The following THSD7A variants were observed in gnomAD, a reference collection of about 807,000 sequenced individuals.
THSD7A encodes the protein thrombospondin type-1 domain-containing protein 7A.
THSD7A carries 96 observed loss-of-function variants against 231.3 expected under a neutral mutation model. The observed-to-expected ratio is 0.41, with a 90% CI of 0.35 to 0.49. The LOEUF (loss-of-function observed/expected upper bound fraction) is 0.49. Ranked by LOEUF, THSD7A falls within the 20% of genes least tolerant of loss-of-function variation. The pLI is 0.05. For synonymous variants in THSD7A, 940 were observed against 743.3 expected (o/e 1.26, Z -4.30); for missense variants, 2,290 against 2,070.2 (o/e 1.11, Z -2.06).
At chr7:11,680,983 A>C (rs1783845136) in intron 1 of THSD7A, among the ~76,000 whole-genome samples, 1 of 152,202 alleles carries the variant, frequency 6.6e-6, no homozygotes, top group Admixed American at 6.5e-5. Flanking sequence ...TGCATAAAGA[A>C]AATGTGGCAC....
chr7:11,479,639 ATTTAT>A (rs61469997), intron 7 of THSD7A, among the ~76,000 whole-genome samples: 19,290 of 152,062 alleles, frequency 0.13, 1,676 homozygotes, highest in African/African-American at 0.26. Context: ...ATTAGGAAAG[ATTTAT>A]TTTGAGTAAG....
At chr7:11,450,920 A>G (rs1785122187) in intron 11 of THSD7A, among the ~76,000 whole-genome samples, 1 of 152,014 alleles carries the variant, frequency 6.6e-6, no homozygotes. Flanking sequence ...TTTTAAAGTA[A>G]AATTCCATAT....
intron 13 of THSD7A, 105 bp downstream of exon 13, chr7:11,445,956 G>T: frequency 7.3e-7 from 1 of 1,366,476 alleles, no homozygotes; most frequent in Non-Finnish European, 1.0e-6. Flanking sequence ...GTTTAATTTA[G>T]AATATACGTC....
intron 6 of THSD7A, among the ~76,000 whole-genome samples, chr7:11,509,265 A>G (rs1479989733): frequency 1.3e-5 from 2 of 152,180 alleles, no homozygotes; most frequent in African/African-American, 4.8e-5. Context: ...TACGGCATGC[A>G]TAGCAATTGG....
In THSD7A at chr7:11,634,818, A is replaced by G. The variant is rs1170855444; in HGVS notation, c.1022+1312T>C. On this transcript the variant is annotated intron_variant, in intron 2 of 27. Coordinates refer to ENST00000423059, the MANE Select transcript of THSD7A (RefSeq NM_015204.3). The surrounding 1 kb of genome is among the most constrained non-coding windows in gnomAD (Gnocchi z 4.1). ...AGTAACCAGAACTCTATGATGAGAG[A>G]AAGTTATTGTCTTAGACAGACCAAT... 6.6e-6 allele frequency among the ~76,000 whole-genome samples: 1 copy of G among 152,196 alleles called. No homozygotes were observed. Among genetic ancestry groups the G allele is most frequent in the Non-Finnish European group, 1.5e-5 (1 of 68,028 alleles).
At chr7:11,641,843 G>T (rs1309223700) in intron 1 of THSD7A, among the ~76,000 whole-genome samples, 1 of 151,906 alleles carries the variant, frequency 6.6e-6, no homozygotes, top group East Asian at 1.9e-4. Flanking sequence ...TTGCACCTTG[G>T]GTATCGCATG....
chr7:11,505,063 T>G (rs1235761638), intron 6 of THSD7A, among the ~76,000 whole-genome samples: 1 of 152,168 alleles, frequency 6.6e-6, no homozygotes, highest in East Asian at 1.9e-4. Context: ...CATCATATTC[T>G]CATTTGGTTC....
intron 1 of THSD7A, among the ~76,000 whole-genome samples, chr7:11,783,702 G>A (rs1319596303): frequency 3.3e-5 from 5 of 152,044 alleles, no homozygotes; most frequent in Admixed American, 2.0e-4. Context: ...AGCTAGAGGG[G>A]ATATAGATGA....
chr7:11,513,585 C>T (rs1190201372), intron 6 of THSD7A, among the ~76,000 whole-genome samples: 2 of 151,986 alleles, frequency 1.3e-5, no homozygotes, highest in South Asian at 4.1e-4. Flanking sequence ...TAGAAATACC[C>T]AGAACTGGTA....
intron 4 of THSD7A, among the ~76,000 whole-genome samples, chr7:11,545,386 G>C (rs1789338079): frequency 6.6e-6 from 1 of 152,116 alleles, no homozygotes; most frequent in South Asian, 2.1e-4. Flanking sequence ...ATATAAAGTT[G>C]AAAACTTTAG....
chr7:11,796,353 A>G (rs1007594564), intron 1 of THSD7A, among the ~76,000 whole-genome samples: 12 of 151,790 alleles, frequency 7.9e-5, no homozygotes, highest in African/African-American at 2.7e-4. Flanking sequence ...TGAAAAAAAA[A>G]GGATACTGGC....
chr7:11,812,575 T>C (rs1583311039), intron 1 of THSD7A, among the ~76,000 whole-genome samples: 1 of 152,184 alleles, frequency 6.6e-6, no homozygotes, highest in African/African-American at 2.4e-5. Context: ...ACAAAATATT[T>C]TTCAAAACAC....
At chr7:11,736,936 C>G (rs1452435991) in intron 1 of THSD7A, among the ~76,000 whole-genome samples, 1 of 151,970 alleles carries the variant, frequency 6.6e-6, no homozygotes, top group Admixed American at 6.6e-5. Flanking sequence ...AGTAAATTCT[C>G]ACGAGATATG....
chr7:11,415,866 A>G (rs1783942225), intron 17 of THSD7A, among the ~76,000 whole-genome samples: 2 of 152,148 alleles, frequency 1.3e-5, no homozygotes, highest in South Asian at 4.1e-4. Flanking sequence ...AGGTGTAACC[A>G]ATCTAGCTGT....
chr7:11,685,285 T>C (rs1317703996), intron 1 of THSD7A, among the ~76,000 whole-genome samples: 3 of 151,478 alleles, frequency 2.0e-5, no homozygotes, highest in Non-Finnish European at 1.5e-5. Flanking sequence ...AAAAAAAAAC[T>C]AGGAAGTACT....
chr7:11,747,882 GGCACAATGAT>G (rs1421627279), intron 1 of THSD7A, among the ~76,000 whole-genome samples: 2 of 151,858 alleles, frequency 1.3e-5, no homozygotes, highest in Non-Finnish European at 2.9e-5. Context: ...TGTATAAAAA[GGCACAATGAT>G]ATTAACATAA....
At chr7:11,801,919 G>A (rs1026491947) in intron 1 of THSD7A, among the ~76,000 whole-genome samples, 1 of 152,128 alleles carries the variant, frequency 6.6e-6, no homozygotes, top group Non-Finnish European at 1.5e-5. Flanking sequence ...CATTAAATCA[G>A]TTGACATAAA....
At position 11,465,261 on chromosome 7, in the gene THSD7A, G is replaced by A. The variant is rs1046872804; in HGVS notation, c.2369-3118C>T. On this transcript the variant is annotated intron_variant, in intron 9 of 27. Coordinates refer to ENST00000423059, the MANE Select transcript of THSD7A (RefSeq NM_015204.3). ...CACTTATTCCTTTATAGTGGTAAGC[G>A]CACAGGTACCAATGCTGTGCATTAA... Among the ~76,000 whole-genome samples, 22 of 152,010 alleles carry A rather than the reference G, an allele frequency of 1.4e-4. 1 individual carries two copies. The Middle Eastern group carries it at 0.01, about 71-fold the overall frequency.
At chr7:11,487,385 G>C (rs1033336905) in intron 6 of THSD7A, among the ~76,000 whole-genome samples, 16 of 152,032 alleles carry the variant, frequency 1.1e-4, no homozygotes, top group African/African-American at 3.9e-4. Flanking sequence ...TCGTGTTAGA[G>C]CCTAAATAAA....
Sources: gnomAD v4.1 joint callset for allele counts (sites outside exome capture counted in the v4.1 genomes callset) on GRCh38, gnomAD v4.1.1 for gene constraint, Gnocchi (gnomAD v3.1) non-coding constraint, MANE v1.5 for transcripts, NCBI Gene and HGNC (gene_info 2026-07-23, HGNC 2026-07-21) for gene names.